RHOT1: variants seen among roughly 807,000 people sequenced by gnomAD.
RHOT1 encodes the protein ras homolog family member T1, also known as mitochondrial Rho GTPase 1.
In RHOT1, 27 loss-of-function variants were observed where a neutral mutation model predicts 95.3. That is an observed-to-expected ratio of 0.28 (90% CI 0.21 to 0.39). The LOEUF (loss-of-function observed/expected upper bound fraction) is 0.39. RHOT1 is among the 10% of genes least tolerant of loss of function. The probability of loss-of-function intolerance (pLI) is 1.00; values close to 1 mark genes in which losing one functional copy is unlikely to be tolerated. For synonymous variants in RHOT1, 227 were observed against 263.5 expected (o/e 0.86, Z 1.34); for missense variants, 578 against 786.7 (o/e 0.73, Z 3.17).
intron 1 of RHOT1, among the ~76,000 whole-genome samples, chr17:32,149,595 A>C (rs1252339146): frequency 9.7e-5 from 4 of 41,194 alleles, no homozygotes; most frequent in African/African-American, 5.9e-4. Flanking sequence ...GCAGTTCTAT[A>C]TATATATATA....
At chr17:32,189,151 T>A (rs533921622) in intron 8 of RHOT1, among the ~76,000 whole-genome samples, 356 of 152,140 alleles carry the variant, frequency 2.3e-3, no homozygotes, top group Non-Finnish European at 4.4e-3. Context: ...ACAAAAAAAT[T>A]AGCTGGGCGT....
At chr17:32,206,825 C>T in intron 16 of RHOT1, 85 bp from the exon 17 acceptor site, 1 of 974,296 alleles carries the variant, frequency 1.0e-6, no homozygotes, top group South Asian at 1.7e-5. Flanking sequence ...CTTAGGAAGT[C>T]CAGGGAAGGA....
At chr17:32,197,680 G>A (rs376186426) in intron 11 of RHOT1, among the ~76,000 whole-genome samples, 4 of 152,048 alleles carry the variant, frequency 2.6e-5, no homozygotes, top group South Asian at 4.2e-4. Context: ...TGCCCGCCTC[G>A]GCCTCCCAAA....
chr17:32,211,621 C>T (rs1200661039), intron 19 of RHOT1, among the ~76,000 whole-genome samples: 1 of 152,042 alleles, frequency 6.6e-6, no homozygotes, highest in Non-Finnish European at 1.5e-5. Flanking sequence ...CTGTACTCAG[C>T]TTACAATGAA....
intron 6 of RHOT1, among the ~76,000 whole-genome samples, chr17:32,176,648 T>G (rs1360285611): frequency 6.6e-6 from 1 of 151,952 alleles, no homozygotes; most frequent in East Asian, 1.9e-4. Context: ...TCTTGGCTCC[T>G]TGCAGCCTCC....
At chr17:32,151,289 G>A in intron 1 of RHOT1, 1 of 663,914 alleles carries the variant, frequency 1.5e-6, no homozygotes, top group Admixed American at 1.8e-5. Context: ...CCATATTGCT[G>A]TAGTCCCAGA....
intron 1 of RHOT1, chr17:32,142,956 A>G: frequency 1.4e-6 from 1 of 714,806 alleles, no homozygotes; most frequent in East Asian, 2.7e-5. Flanking sequence ...TGGGCCCTCC[A>G]GAGATCTCCT....
At chr17:32,152,847 A>C (rs1167855069) in intron 1 of RHOT1, among the ~76,000 whole-genome samples, 1 of 150,616 alleles carries the variant, frequency 6.6e-6, no homozygotes, top group Non-Finnish European at 1.5e-5. Context: ...TCGGTTGTCC[A>C]GGCTGGAATG....
At position 32,203,835 on chromosome 17, in the gene RHOT1, T is replaced by C. The variant is rs960347994; in HGVS notation, c.1333-55T>C. The C allele has an allele frequency of 7.3e-6, 9 of 1,225,212 alleles. No homozygotes were observed. In the African/African-American group the frequency reaches 1.2e-4, roughly 16 times the overall value. The allele number at this position is 1,225,212 out of a possible 1,614,324, so 75.9% of individuals were successfully genotyped here. A position where few individuals can be genotyped will look rare whatever the true frequency, so the allele number is the denominator to read the frequency against. ...CTGCACATATACACAGAGATGTTTGTATATTGTTGAAAACTAGTTACTGCA... is the reference window on the plus strand; with the variant it reads ...CTGCACATATACACAGAGATGTTTGCATATTGTTGAAAACTAGTTACTGCA... On this transcript the variant is annotated intron_variant, in intron 15 of 19. Coordinates refer to ENST00000545287, the MANE Select transcript of RHOT1 (RefSeq NM_001033566.3).
At chr17:32,155,678 G>T (rs1441355084) in intron 1 of RHOT1, among the ~76,000 whole-genome samples, 6 of 151,652 alleles carry the variant, frequency 4.0e-5, no homozygotes, top group African/African-American at 1.5e-4. Context: ...GATTACCTGA[G>T]ACTATGGGTG....
chr17:32,203,162 G>T (rs1272034321), intron 15 of RHOT1, among the ~76,000 whole-genome samples: 1 of 151,624 alleles, frequency 6.6e-6, no homozygotes, highest in Non-Finnish European at 1.5e-5. Flanking sequence ...ACAGTCCTTG[G>T]CATGAAGTAA....
At chr17:32,150,596 C>T (rs1226191076) in intron 1 of RHOT1, 3 of 1,587,554 alleles carry the variant, frequency 1.9e-6, no homozygotes, top group East Asian at 2.2e-5. Flanking sequence ...TGTCCTCCTA[C>T]CTGGTACTTT....
At chr17:32,198,757 T>G (rs1206555715) in intron 11 of RHOT1, among the ~76,000 whole-genome samples, 190 bp from the exon 12 acceptor site, 1 of 152,168 alleles carries the variant, frequency 6.6e-6, no homozygotes, top group Non-Finnish European at 1.5e-5. Context: ...GGAATGAGCA[T>G]TATTATGACT....
At position 32,150,958 on chromosome 17, in the gene RHOT1, TTGCTGCTGCTGCTGC is replaced by T. The variant is rs34323066; in HGVS notation, c.37+8240_37+8254del. ...GTATCTGGTTTGGTTGCTTTGCTGA[TTGCTGCTGCTGCTGC>T]TGCTGCTGCTTCAATTTGAATCGCC... On this transcript the variant is annotated intron_variant, in intron 1 of 19. Transcript: ENST00000545287. 7 of 1,547,550 alleles carry T rather than the reference TTGCTGCTGCTGCTGC, an allele frequency of 4.5e-6. No homozygotes were observed. The East Asian group carries it at 1.6e-4, about 35-fold the overall frequency.
chr17:32,193,058 T>G, intron 9 of RHOT1, 78 bp from the exon 10 acceptor site: 1 of 855,986 alleles, frequency 1.2e-6, no homozygotes, highest in Non-Finnish European at 1.9e-6. Flanking sequence ...TTAATATTGC[T>G]TTGTAGATTA....
At chr17:32,207,619 A>G (rs2037847542) in intron 17 of RHOT1, 1 of 153,810 alleles carries the variant, frequency 6.5e-6, no homozygotes, top group South Asian at 2.0e-4. Flanking sequence ...AAAAATAAAA[A>G]CAATAAATGT....
At chr17:32,172,705 C>A (rs781315471) in intron 2 of RHOT1, among the ~76,000 whole-genome samples, 1 of 152,194 alleles carries the variant, frequency 6.6e-6, no homozygotes, top group Non-Finnish European at 1.5e-5. Flanking sequence ...GTGGCGCATG[C>A]CTGTAATCCC....
intron 9 of RHOT1, among the ~76,000 whole-genome samples, 164 bp downstream of exon 9, chr17:32,192,463 C>T (rs1476989488): frequency 6.6e-6 from 1 of 150,460 alleles, no homozygotes; most frequent in African/African-American, 2.4e-5. Flanking sequence ...TGCCTAAACT[C>T]TCTTATGCTC....
At chr17:32,207,985 C>A in intron 17 of RHOT1, 122 bp from the exon 18 acceptor site, 1 of 783,546 alleles carries the variant, frequency 1.3e-6, no homozygotes, top group Non-Finnish European at 2.1e-6. Flanking sequence ...CCTTTTGGTT[C>A]ACTTTTTCGC....
Sources: gnomAD v4.1 joint callset for allele counts (sites outside exome capture counted in the v4.1 genomes callset) on GRCh38, gnomAD v4.1.1 for gene constraint, MANE v1.5 for transcripts, NCBI Gene and HGNC (gene_info 2026-07-23, HGNC 2026-07-21) for gene names.